The following NRXN3 variants were observed in gnomAD, a reference collection of about 807,000 sequenced individuals.
NRXN3 encodes neurexin III.
In NRXN3, 32 loss-of-function variants were observed where a neutral mutation model predicts 137.6. That is an observed-to-expected ratio of 0.23 (90% CI 0.18 to 0.31). The LOEUF (loss-of-function observed/expected upper bound fraction) is 0.31. Among genes scored for constraint, NRXN3 ranks in the 10% least tolerant of loss-of-function variants. The pLI is 1.00. For synonymous variants in NRXN3, 798 were observed against 784.5 expected (o/e 1.02, Z -0.29); for missense variants, 1,574 against 2,062.5 (o/e 0.76, Z 4.59).
chr14:78,792,007 G>A (rs2098806476), intron 8 of NRXN3, among the ~76,000 whole-genome samples: 1 of 151,382 alleles, frequency 6.6e-6, no homozygotes, highest in Non-Finnish European at 1.5e-5. Flanking sequence ...AAGGTAAAAG[G>A]GAATGACATG....
chr14:79,511,894 TTTG>T (rs1487269489), intron 16 of NRXN3, among the ~76,000 whole-genome samples: 10 of 152,184 alleles, frequency 6.6e-5, no homozygotes, highest in African/African-American at 2.4e-4. Context: ...ATCAATATTT[TTTG>T]TTGTTGTTCT....
intron 15 of NRXN3, among the ~76,000 whole-genome samples, chr14:79,235,511 A>G (rs1470302632): frequency 1.3e-5 from 2 of 152,188 alleles, no homozygotes; most frequent in Non-Finnish European, 2.9e-5. Context: ...ATCTGTGTCT[A>G]TGATCCCATT....
intron 15 of NRXN3, among the ~76,000 whole-genome samples, chr14:79,137,259 G>A (rs1395175551): frequency 6.6e-6 from 1 of 152,168 alleles, no homozygotes; most frequent in Non-Finnish European, 1.5e-5. Context: ...TTCAGCTGGA[G>A]GAAGGTGACA....
chr14:78,460,906 C>T (rs1046930239), intron 4 of NRXN3, among the ~76,000 whole-genome samples: 2 of 152,146 alleles, frequency 1.3e-5, no homozygotes, highest in Non-Finnish European at 2.9e-5. Context: ...TCTCTAACTT[C>T]CTTTCTCCCT....
At chr14:79,086,108 G>A (rs1396212146) in intron 15 of NRXN3, among the ~76,000 whole-genome samples, 3 of 152,066 alleles carry the variant, frequency 2.0e-5, no homozygotes, top group Non-Finnish European at 4.4e-5. Flanking sequence ...ATAAACACTT[G>A]GTGGCTTGGT....
At position 79,451,323 on chromosome 14, in the gene NRXN3, C is replaced by T. The variant is rs181944763; in HGVS notation, c.3263-15898C>T. Among the ~76,000 whole-genome samples, 6 of 152,228 alleles carry T rather than the reference C, an allele frequency of 3.9e-5. No individual in the cohort carries two copies. The East Asian group carries it at 1.2e-3, about 29-fold the overall frequency. ...TGGCATCGCTGACTGAAAGATAGGTCATTTTTAAAATAGTGGTATGACCTT... is the reference window on the plus strand; with the variant it reads ...TGGCATCGCTGACTGAAAGATAGGTTATTTTTAAAATAGTGGTATGACCTT... On this transcript the variant is annotated intron_variant, in intron 15 of 20. Transcript: ENST00000335750.
intron 19 of NRXN3, among the ~76,000 whole-genome samples, chr14:79,736,465 T>C (rs537997067): frequency 6.6e-6 from 1 of 152,320 alleles, no homozygotes; most frequent in Admixed American, 6.5e-5. Flanking sequence ...GCAAAATAAT[T>C]GAGAGCTTCC....
At chr14:78,805,732 C>T (rs937320827) in intron 9 of NRXN3, among the ~76,000 whole-genome samples, 9 of 152,046 alleles carry the variant, frequency 5.9e-5, no homozygotes, top group South Asian at 2.1e-4. Flanking sequence ...TTCAGCCCCA[C>T]GCGATCCTGA....
chr14:79,427,191 A>G (rs1270891052), intron 15 of NRXN3, among the ~76,000 whole-genome samples: 1 of 152,196 alleles, frequency 6.6e-6, no homozygotes, highest in Admixed American at 6.5e-5. Context: ...TCACCAAAGC[A>G]ATCAGAAGAC....
intron 6 of NRXN3, among the ~76,000 whole-genome samples, chr14:78,660,784 C>G (rs904253511): frequency 6.6e-6 from 1 of 152,148 alleles, no homozygotes; most frequent in Non-Finnish European, 1.5e-5. Context: ...CCTGTTGTGG[C>G]TCTATTTTCT....
intron 4 of NRXN3, among the ~76,000 whole-genome samples, chr14:78,547,349 G>A (rs993867266): frequency 6.6e-6 from 1 of 151,974 alleles, no homozygotes; most frequent in African/African-American, 2.4e-5. Flanking sequence ...GGGATTACAG[G>A]CGCCCGCTAC....
intron 4 of NRXN3, among the ~76,000 whole-genome samples, chr14:78,641,926 T>G (rs958309814): frequency 4.6e-5 from 7 of 152,242 alleles, no homozygotes; most frequent in Non-Finnish European, 1.0e-4. Context: ...CTGATGCCAT[T>G]TTTTCCCCTG....
At chr14:78,951,729 A>G (rs766027491) in intron 10 of NRXN3, among the ~76,000 whole-genome samples, 2 of 152,194 alleles carry the variant, frequency 1.3e-5, no homozygotes, top group Non-Finnish European at 2.9e-5. Flanking sequence ...AATGAGGATC[A>G]GAATGAGCAT....
chr14:78,767,564 G>T (rs10133425), intron 8 of NRXN3, among the ~76,000 whole-genome samples: 44,349 of 152,030 alleles, frequency 0.29, 9,233 homozygotes, highest in African/African-American at 0.59. Flanking sequence ...TTGTCTGTGT[G>T]GGTTACTAAT....
chr14:78,898,558 TG>T (rs1018494148), intron 10 of NRXN3, among the ~76,000 whole-genome samples: 8 of 74,208 alleles, frequency 1.1e-4, no homozygotes. Context: ...GGGTTTCGTG[TG>T]TGTGTGTGTG....
rs548440062 is a variant in NRXN3, at chr14:78,819,054, T to G, written c.2275+8710T>G. Reference sequence around the variant, plus strand: ...TAGGGATTTTCCTGATTTCCTTTTTTGTTTTGATTTGCCCTCCTTCATCTG... The same window carrying G: ...TAGGGATTTTCCTGATTTCCTTTTTGGTTTTGATTTGCCCTCCTTCATCTG... On this transcript the variant is annotated intron_variant, in intron 10 of 20. Transcript: ENST00000335750. Among the ~76,000 whole-genome samples the G allele has an allele frequency of 3.9e-5, 6 of 152,286 alleles. No homozygotes were observed. The South Asian group carries it at 1.2e-3, about 32-fold the overall frequency.
chr14:79,718,551 T>G (rs758382052), intron 19 of NRXN3, among the ~76,000 whole-genome samples: 28 of 152,194 alleles, frequency 1.8e-4, no homozygotes, highest in Non-Finnish European at 3.7e-4. Flanking sequence ...ACCTAATACA[T>G]GGCTATTGCT....
At chr14:78,995,256 A>T in intron 15 of NRXN3, among the ~76,000 whole-genome samples, 1 of 152,326 alleles carries the variant, frequency 6.6e-6, no homozygotes, top group African/African-American at 2.4e-5. Flanking sequence ...AGATGAGGCC[A>T]TTTAGAATTA....
chr14:79,281,563 C>G (rs1017027941), intron 15 of NRXN3, among the ~76,000 whole-genome samples: 2 of 152,034 alleles, frequency 1.3e-5, no homozygotes, highest in African/African-American at 4.8e-5. Flanking sequence ...ACTGGTCTTG[C>G]TTGGGAGCTA....
Sources: allele counts gnomAD v4.1 joint callset (sites outside exome capture counted in the v4.1 genomes callset), GRCh38; gene constraint gnomAD v4.1.1; transcripts MANE v1.5; gene names NCBI Gene and HGNC (gene_info 2026-07-23, HGNC 2026-07-21).